Variants in LIPI observed in about 807,000 individuals in gnomAD.
LIPI encodes lipase I, also known as lipase member I.
In LIPI, 59 loss-of-function variants were observed where a neutral mutation model predicts 50.6. That is an observed-to-expected ratio of 1.16 (90% confidence interval 0.94 to 1.45). The LOEUF is 1.45. LIPI is among the 40% of genes most tolerant of loss of function. The pLI is 0.00. For synonymous variants in LIPI, 203 were observed against 178.2 expected (o/e 1.14, Z -1.11); for missense variants, 586 against 536.3 (o/e 1.09, Z -0.92).
chr21:14,145,350 C>T (rs1005061007), intron 8 of LIPI, among the ~76,000 whole-genome samples: 2 of 152,060 alleles, frequency 1.3e-5, no homozygotes, highest in African/African-American at 4.8e-5. Context: ...TGAGTATTAC[C>T]ATTTTACAGA....
At chr21:14,151,845 T>C (rs2018102296) in intron 8 of LIPI, among the ~76,000 whole-genome samples, 1 of 151,944 alleles carries the variant, frequency 6.6e-6, no homozygotes, top group Non-Finnish European at 1.5e-5. Context: ...AATAAAAGAT[T>C]GAGAAAAAAA....
chr21:14,172,569 A>G (rs1201735319), intron 4 of LIPI, among the ~76,000 whole-genome samples: 2 of 152,000 alleles, frequency 1.3e-5, no homozygotes, highest in South Asian at 2.1e-4. Context: ...CTTTGTAGGG[A>G]CATGGATGAA....
intron 1 of LIPI, among the ~76,000 whole-genome samples, chr21:14,204,418 C>T (rs561120958): frequency 6.6e-6 from 1 of 151,642 alleles, no homozygotes; most frequent in East Asian, 1.9e-4. Context: ...TGAAATACAC[C>T]ATGATTGAAT....
At chr21:14,180,069 G>A (rs113636294) in intron 4 of LIPI, among the ~76,000 whole-genome samples, 7 of 152,126 alleles carry the variant, frequency 4.6e-5, no homozygotes, top group African/African-American at 1.4e-4. Flanking sequence ...ATCTATAAAT[G>A]GCCGCTCTGG....
intron 2 of LIPI, among the ~76,000 whole-genome samples, chr21:14,188,560 C>A (rs867867612): frequency 1.8e-5 from 2 of 113,736 alleles, no homozygotes; most frequent in African/African-American, 3.2e-5. Context: ...AGAGTGAGAA[C>A]CTGTCTCAAA....
chr21:14,206,888 T>C (rs1374797432), intron 1 of LIPI: 6 of 1,612,418 alleles, frequency 3.7e-6, no homozygotes, highest in Non-Finnish European at 5.1e-6. Flanking sequence ...CACTATATTT[T>C]TGGCACAAGT....
intron 7 of LIPI, 95 bp from the exon 8 acceptor site, chr21:14,152,779 G>T: frequency 1.6e-6 from 1 of 629,810 alleles, no homozygotes; most frequent in Non-Finnish European, 2.8e-6. Flanking sequence ...TGTATAGATA[G>T]ATATGTAATC....
intron 1 of LIPI, among the ~76,000 whole-genome samples, chr21:14,191,338 C>T (rs2019667193): frequency 7.1e-6 from 1 of 141,220 alleles, no homozygotes; most frequent in African/African-American, 2.7e-5. Flanking sequence ...GATCCCGCCA[C>T]TGCACTCCAG....
Position 14,163,524 on chromosome 21 carries a change from C to G in LIPI, c.902-1G>C. 7 of 1,430,434 alleles carry G rather than the reference C, an allele frequency of 4.9e-6. No homozygotes were observed. The highest frequency in any genetic ancestry group is 6.9e-6 in the Non-Finnish European group (7 of 1,013,320). 88.6% of individuals were successfully genotyped at this position (1,430,434 alleles called of 1,614,324 possible). A position where few individuals can be genotyped will look rare whatever the true frequency, so the allele number is the denominator to read the frequency against. ...CCTTTAAATAGCTTGGCTTGATAAC[C>G]TGAGATTTGAGAAATAGAACATTAG... is the stretch of plus-strand genomic sequence containing the variant. On this transcript the variant is annotated splice_acceptor_variant, in intron 6 of 9. Coordinates refer to ENST00000681601, the MANE Select transcript of LIPI (RefSeq NM_001302998.2). LOFTEE classifies it high-confidence loss of function.
chr21:14,147,435 C>T (rs1317022139), intron 8 of LIPI, among the ~76,000 whole-genome samples: 3 of 152,076 alleles, frequency 2.0e-5, no homozygotes, highest in East Asian at 1.9e-4. Flanking sequence ...CCACAGTATC[C>T]CCAGCACTTA....
chr21:14,130,467 C>A (rs2017250604), intron 9 of LIPI, among the ~76,000 whole-genome samples: 1 of 152,188 alleles, frequency 6.6e-6, no homozygotes, highest in African/African-American at 2.4e-5. Flanking sequence ...AAACCAGGCT[C>A]TCTCTGCTCT....
intron 9 of LIPI, among the ~76,000 whole-genome samples, chr21:14,113,509 T>C (rs977810931): frequency 3.3e-5 from 5 of 151,988 alleles, no homozygotes; most frequent in Admixed American, 2.0e-4. Flanking sequence ...AAAGAGAAAA[T>C]AGAATTTTAA....
chr21:14,206,791 G>C lies in LIPI; in HGVS notation c.46+4009C>G, dbSNP rs375137765. ...TTCTTTTCTTCATTTTATATATGAAGAAAGTGAAGTTAAAAGAGATTACCT... is the reference window on the plus strand; with the variant it reads ...TTCTTTTCTTCATTTTATATATGAACAAAGTGAAGTTAAAAGAGATTACCT... On this transcript the variant is annotated intron_variant, in intron 1 of 9. Transcript: ENST00000681601. 8.1e-6 allele frequency: 11 copies of C among 1,356,666 alleles called. No homozygotes were observed. The African/African-American group carries it at 1.6e-4, about 20-fold the overall frequency. The allele number at this position is 1,356,666 out of a possible 1,614,324, so 84.0% of individuals were successfully genotyped here. A position where few individuals can be genotyped will look rare whatever the true frequency, so the allele number is the denominator to read the frequency against.
At chr21:14,187,549 C>T (rs2019498458) in intron 2 of LIPI, among the ~76,000 whole-genome samples, 1 of 152,114 alleles carries the variant, frequency 6.6e-6, no homozygotes, top group Non-Finnish European at 1.5e-5. Context: ...TACAAATTTT[C>T]CTAAATATTT....
At chr21:14,152,493 TTTAAA>T in intron 8 of LIPI, 75 bp downstream of exon 8, 1 of 714,214 alleles carries the variant, frequency 1.4e-6, no homozygotes, top group African/African-American at 1.8e-5. Flanking sequence ...AACTACACTA[TTTAAA>T]TTATCTGTTG....
At chr21:14,137,371 T>C (rs535207293) in intron 9 of LIPI, among the ~76,000 whole-genome samples, 4 of 152,188 alleles carry the variant, frequency 2.6e-5, no homozygotes, top group African/African-American at 7.2e-5. Flanking sequence ...TTCTATCAGA[T>C]AAATTTAACA....
chr21:14,132,322 T>C lies in LIPI; in HGVS notation c.1295+12301A>G, dbSNP rs542669988. ...TTTAAATTAGCAAATGAAATGTATC[T>C]AGTCACCTATAAAGGAAGCCCCATC... On this transcript the variant is annotated intron_variant, in intron 9 of 9. Transcript: ENST00000681601. Among the ~76,000 whole-genome samples, 5 of 152,178 alleles carry C rather than the reference T, an allele frequency of 3.3e-5. No individual in the cohort carries two copies. The South Asian group carries it at 1.0e-3, about 32-fold the overall frequency.
chr21:14,195,804 A>G (rs986978897), intron 1 of LIPI, among the ~76,000 whole-genome samples: 3 of 152,196 alleles, frequency 2.0e-5, no homozygotes, highest in African/African-American at 7.2e-5. Flanking sequence ...AATTAAAGAC[A>G]TTTTACAAAA....
chr21:14,126,491 C>T (rs1248427709), intron 9 of LIPI, among the ~76,000 whole-genome samples: 1 of 152,144 alleles, frequency 6.6e-6, no homozygotes, highest in Non-Finnish European at 1.5e-5. Flanking sequence ...GATTCTACAT[C>T]CATGGATTCA....
Sources: gnomAD v4.1 joint callset for allele counts (sites outside exome capture counted in the v4.1 genomes callset) on GRCh38, gnomAD v4.1.1 for gene constraint, MANE v1.5 for transcripts, NCBI Gene and HGNC (gene_info 2026-07-23, HGNC 2026-07-21) for gene names.